Variants in PDE1A observed in about 807,000 individuals in gnomAD.
The protein encoded by PDE1A is dual specificity calcium/calmodulin-dependent 3',5'-cyclic nucleotide phosphodiesterase 1A.
In PDE1A, 35 loss-of-function variants were observed where a neutral mutation model predicts 61.7. That is an observed-to-expected ratio of 0.57 (90% CI 0.43 to 0.75). PDE1A has a LOEUF of 0.75. PDE1A is among the 30% of genes least tolerant of loss of function. PDE1A has a pLI of 0.00. For synonymous variants in PDE1A, 232 were observed against 213.2 expected (o/e 1.09, Z -0.77); for missense variants, 597 against 630.6 (o/e 0.95, Z 0.57).
chr2:182,254,012 GAAT>G (rs1430730760), intron 2 of PDE1A, among the ~76,000 whole-genome samples: 10 of 151,984 alleles, frequency 6.6e-5, no homozygotes, highest in African/African-American at 2.2e-4. Context: ...TATTGGAAAA[GAAT>G]AATATTTAAA....
chr2:182,545,978 C>A, the PDE1A span, among the ~76,000 whole-genome samples: 1 of 152,146 alleles, frequency 6.6e-6, no homozygotes, highest in African/African-American at 2.4e-5. Context: ...AGAAGCAAGA[C>A]GAAAGTGACC....
chr2:182,687,240 G>A, the PDE1A span, among the ~76,000 whole-genome samples: 3 of 152,220 alleles, frequency 2.0e-5, no homozygotes. Flanking sequence ...GCCTCCTCAA[G>A]TGGGTCCCTG....
chr2:182,151,458 T>C (rs576509126), intron 13 of PDE1A, among the ~76,000 whole-genome samples: 1 of 152,216 alleles, frequency 6.6e-6, no homozygotes, highest in African/African-American at 2.4e-5. Flanking sequence ...AGCTGAGACA[T>C]AGCTTGAAAA....
intron 13 of PDE1A, among the ~76,000 whole-genome samples, chr2:182,179,112 G>A (rs1048809924): frequency 5.3e-5 from 8 of 152,236 alleles, no homozygotes; most frequent in Admixed American, 2.6e-4. Flanking sequence ...CTTCAAACAG[G>A]TAGCATGAGG....
chr2:182,609,697 G>A, the PDE1A span, among the ~76,000 whole-genome samples: 1 of 152,226 alleles, frequency 6.6e-6, no homozygotes, highest in African/African-American at 2.4e-5. Flanking sequence ...CACCGCGAGG[G>A]TTCGCGGCTT....
At chr2:182,257,155 A>G (rs1691880102) in intron 2 of PDE1A, among the ~76,000 whole-genome samples, 1 of 152,114 alleles carries the variant, frequency 6.6e-6, no homozygotes, top group African/African-American at 2.4e-5. Context: ...CCTCTTTGGT[A>G]GCTCCATGCC....
the PDE1A span, among the ~76,000 whole-genome samples, chr2:182,677,139 A>G: frequency 6.6e-6 from 1 of 152,200 alleles, no homozygotes; most frequent in Non-Finnish European, 1.5e-5. Flanking sequence ...GATTGCAGAC[A>G]ATATGATTTG....
chr2:182,269,284 T>C lies in PDE1A; in HGVS notation c.54-4870A>G, dbSNP rs984464045. 1.2e-3 allele frequency among the ~76,000 whole-genome samples: 176 copies of C among 151,562 alleles called. 1 individual carries two copies. Among genetic ancestry groups the C allele is most frequent in the African/African-American group, 4.2e-3 (172 of 41,318 alleles). ...CGGGTGGATCACCTGAGGTTGGGAG[T>C]TTGAGACCAGCCTGGCCAACATGGA... On this transcript the variant is annotated intron_variant, in intron 1 of 13. Transcript: ENST00000351439.
the PDE1A span, among the ~76,000 whole-genome samples, chr2:182,627,261 T>G: frequency 3.8e-5 from 1 of 26,562 alleles, no homozygotes; most frequent in African/African-American, 9.7e-5. Flanking sequence ...AATATATTAT[T>G]TATATATAAA....
At chr2:182,344,750 T>TCTCA (rs1055846729) in intron 1 of PDE1A, among the ~76,000 whole-genome samples, 515 of 150,650 alleles carry the variant, frequency 3.4e-3, no homozygotes, top group African/African-American at 0.012. Flanking sequence ...TCTCTCTCTC[T>TCTCA]CACACACACA....
intron 2 of PDE1A, among the ~76,000 whole-genome samples, chr2:182,513,217 C>A (rs546813933): frequency 1.3e-5 from 2 of 152,148 alleles, no homozygotes; most frequent in Non-Finnish European, 1.5e-5. Context: ...AGGCTGCCTA[C>A]AGAGAGAACT....
intron 3 of PDE1A, among the ~76,000 whole-genome samples, chr2:182,238,934 G>A (rs1484516730): frequency 2.0e-5 from 3 of 152,020 alleles, no homozygotes; most frequent in African/African-American, 7.2e-5. Context: ...TTTAAACAAA[G>A]AAGACAAAAT....
chr2:182,385,662 GAAAA>G (rs1559403644), intron 1 of PDE1A, among the ~76,000 whole-genome samples: 1 of 86,652 alleles, frequency 1.2e-5, no homozygotes, highest in South Asian at 4.3e-4. Flanking sequence ...AAAGAAAGAA[GAAAA>G]AAAGAAAGAA....
the PDE1A span, among the ~76,000 whole-genome samples, chr2:182,587,401 T>A: frequency 2.5e-4 from 38 of 152,158 alleles, no homozygotes; most frequent in African/African-American, 8.9e-4. Flanking sequence ...ATCCACTCTT[T>A]TAACAGGTCC....
intron 2 of PDE1A, among the ~76,000 whole-genome samples, chr2:182,260,959 G>T (rs907862031): frequency 6.6e-6 from 1 of 152,110 alleles, no homozygotes; most frequent in Non-Finnish European, 1.5e-5. Flanking sequence ...TAACTTTTCT[G>T]TGATTTAAGT....
chr2:182,697,842 A>G, the PDE1A span, among the ~76,000 whole-genome samples: 1 of 152,228 alleles, frequency 6.6e-6, no homozygotes, highest in Non-Finnish European at 1.5e-5. Context: ...CATTCTCTGC[A>G]GCTATACTCT....
chr2:182,492,612 T>C (rs1480797111), intron 2 of PDE1A, among the ~76,000 whole-genome samples: 2 of 152,222 alleles, frequency 1.3e-5, no homozygotes, highest in Non-Finnish European at 2.9e-5. Context: ...CTTTTGCCTA[T>C]CTGACCTTAA....
At chr2:182,215,577 A>G (rs919123515) in intron 7 of PDE1A, among the ~76,000 whole-genome samples, 1 of 147,566 alleles carries the variant, frequency 6.8e-6, no homozygotes, top group Non-Finnish European at 1.5e-5. Flanking sequence ...AAAATGATAA[A>G]GGGGATATCA....
intron 1 of PDE1A, among the ~76,000 whole-genome samples, chr2:182,300,463 T>C (rs1306034425): frequency 6.6e-6 from 1 of 152,052 alleles, no homozygotes; most frequent in African/African-American, 2.4e-5. Context: ...TGAAAGACAA[T>C]AGTATGGACA....
Sources: allele counts gnomAD v4.1 joint callset (sites outside exome capture counted in the v4.1 genomes callset), GRCh38; gene constraint gnomAD v4.1.1; transcripts MANE v1.5; gene names NCBI Gene and HGNC (gene_info 2026-07-23, HGNC 2026-07-21).